The following FARP1 variants were observed in gnomAD, a reference collection of about 807,000 sequenced individuals.
The protein encoded by FARP1 is FERM, ARH/RhoGEF and pleckstrin domain protein 1.
A neutral mutation model predicts 128.8 loss-of-function variants in FARP1; 52 were observed. That is an observed-to-expected ratio of 0.40 (90% confidence interval 0.32 to 0.51). The LOEUF (loss-of-function observed/expected upper bound fraction) is 0.51. Among genes scored for constraint, FARP1 ranks in the 20% least tolerant of loss-of-function variants. The pLI, the probability that FARP1 is intolerant of heterozygous loss-of-function variation, is 0.45. For missense variants in FARP1, 1,333 were observed against 1,367.9 expected (o/e 0.97, Z 0.40); for synonymous variants, 580 against 551.8 (o/e 1.05, Z -0.72).
intron 1 of FARP1, among the ~76,000 whole-genome samples, chr13:98,181,673 G>GC (rs1382875292): frequency 6.8e-6 from 1 of 146,676 alleles, no homozygotes; most frequent in Non-Finnish European, 1.5e-5. Context: ...TCTCACTGTT[G>GC]CCCAGGGGTG....
At chr13:98,382,797 G>C (rs776623138) in intron 6 of FARP1, among the ~76,000 whole-genome samples, 1 of 151,814 alleles carries the variant, frequency 6.6e-6, no homozygotes, top group East Asian at 1.9e-4. Flanking sequence ...CACGCTTTTC[G>C]CATTTTTGTG....
intron 1 of FARP1, chr13:98,177,113 C>T: frequency 6.2e-7 from 1 of 1,601,798 alleles, no homozygotes. Context: ...TCTCCGTGCT[C>T]GGGGTCGCAG....
intron 1 of FARP1, among the ~76,000 whole-genome samples, chr13:98,158,609 T>A (rs1049874651): frequency 3.3e-5 from 5 of 152,130 alleles, no homozygotes; most frequent in African/African-American, 1.2e-4. Flanking sequence ...CCAGGTACCA[T>A]TTGAGAATAG....
intron 2 of FARP1, among the ~76,000 whole-genome samples, chr13:98,219,631 C>T (rs1331111432): frequency 6.6e-6 from 1 of 152,044 alleles, no homozygotes; most frequent in African/African-American, 2.4e-5. Flanking sequence ...CTGCACCCAG[C>T]CACATATTTT....
In FARP1 at chr13:98,395,596, C is replaced by T. The variant is rs1179595972; in HGVS notation, c.1414+120C>T. The T allele has an allele frequency of 1.8e-5, 21 of 1,192,126 alleles. No homozygotes were observed. The Admixed American group carries it at 2.2e-4, about 12-fold the overall frequency. 73.8% of individuals were successfully genotyped at this position (1,192,126 alleles called of 1,614,324 possible). A position where few individuals can be genotyped will look rare whatever the true frequency, so the allele number is the denominator to read the frequency against. On this transcript the variant is annotated intron_variant, in intron 13 of 26. Coordinates refer to ENST00000319562, the MANE Select transcript of FARP1 (RefSeq NM_005766.4). ...AGCGTCCCGATCCCGGTCCCGATCC[C>T]GGTCCCGGTCCCAAACAAATGACAA...
chr13:98,247,471 G>A (rs535364404), intron 2 of FARP1, among the ~76,000 whole-genome samples: 2 of 152,294 alleles, frequency 1.3e-5, no homozygotes, highest in African/African-American at 4.8e-5. Context: ...AGTATGACTG[G>A]CTGGGCTATC....
chr13:98,232,524 C>T (rs1882192240), intron 2 of FARP1, among the ~76,000 whole-genome samples: 1 of 152,154 alleles, frequency 6.6e-6, no homozygotes, highest in Non-Finnish European at 1.5e-5. Context: ...TTTCGCATGT[C>T]TATTGGCCCC....
At chr13:98,226,657 C>T (rs550990088) in intron 2 of FARP1, among the ~76,000 whole-genome samples, 6 of 152,258 alleles carry the variant, frequency 3.9e-5, no homozygotes, top group African/African-American at 1.4e-4. Flanking sequence ...ATAATGTAGT[C>T]TGGGACATTT....
rs59132299 is a variant in FARP1, at chr13:98,268,778, TTGTGTGTGTGTGTGTGTG to T, written c.171+55389_171+55406del. Among the ~76,000 whole-genome samples the T allele has an allele frequency of 1.3e-4, 20 of 148,184 alleles. No homozygotes were observed. The East Asian group carries it at 3.2e-3, about 24-fold the overall frequency. On this transcript the variant is annotated intron_variant, in intron 2 of 26. Coordinates refer to ENST00000319562, the MANE Select transcript of FARP1 (RefSeq NM_005766.4). ...CTACTGCATCTGGCCTTTCCCTTCT[TTGTGTGTGTGTGTGTGTG>T]TGTGTGTGTGTGTGTGTGTGTGTAT...
Position 98,411,218 on chromosome 13 carries a change from G to A in FARP1, c.1692+395G>A, listed in dbSNP as rs545962984. Among the ~76,000 whole-genome samples, 6 of 152,256 alleles carry A rather than the reference G, an allele frequency of 3.9e-5. No homozygotes were observed. In the South Asian group the frequency reaches 6.2e-4, roughly 16 times the overall value. On this transcript the variant is annotated intron_variant, in intron 15 of 26. Transcript: ENST00000319562. ...TTTGATAATAAATTGAGCCTTGTCC[G>A]CAAAATCTGCCAGAAGACCGCCTTT...
rs1304929221 is a variant in FARP1, at chr13:98,452,484, T to G, written c.*4167T>G. On this transcript the variant is annotated 3_prime_UTR_variant, in exon 27 of 27. Coordinates refer to ENST00000319562, the MANE Select transcript of FARP1 (RefSeq NM_005766.4). ...GCAAACGGGGAAAATTTGCATTTGT[T>G]GAGGTACAAATAGGAGTGTTCTGTA... 1.3e-5 allele frequency: 2 copies of G among 152,636 alleles called. No individual in the cohort carries two copies. Among genetic ancestry groups the G allele is most frequent in the Admixed American group, 6.5e-5 (1 of 15,288 alleles). The allele number at this position is 152,636 out of a possible 1,614,324, so 9.5% of individuals were successfully genotyped here.
intron 2 of FARP1, among the ~76,000 whole-genome samples, chr13:98,325,136 G>A (rs1441377219): frequency 6.6e-6 from 1 of 152,160 alleles, no homozygotes; most frequent in Non-Finnish European, 1.5e-5. Context: ...GAAGACTTGT[G>A]GAAATAAACC....
rs1399623240 is a variant in FARP1 at position 98,446,656 on chromosome 13, C to T, written c.2905-10C>T. On this transcript the variant is annotated splice_polypyrimidine_tract_variant and intron_variant, in intron 25 of 26. Coordinates refer to ENST00000319562, the MANE Select transcript of FARP1 (RefSeq NM_005766.4). ...CCGAAAAGCCACTTTGCTTTGTTTC[C>T]CCTTTCCAGGACAATCATCCCCTTG... The T allele has an allele frequency of 1.2e-6, 2 of 1,613,740 alleles. No individual in the cohort carries two copies. Among genetic ancestry groups the T allele is most frequent in the South Asian group, 2.2e-5 (2 of 91,050 alleles).
chr13:98,283,069 T>G (rs937833527), intron 2 of FARP1, among the ~76,000 whole-genome samples: 2 of 152,246 alleles, frequency 1.3e-5, no homozygotes, highest in Middle Eastern at 3.2e-3. Context: ...ATTATGCATT[T>G]CTCTGTATAA....
At chr13:98,256,217 T>G (rs1183122550) in intron 2 of FARP1, among the ~76,000 whole-genome samples, 1 of 152,182 alleles carries the variant, frequency 6.6e-6, no homozygotes, top group Non-Finnish European at 1.5e-5. Context: ...TGATAAACAT[T>G]TGTTAGGAAT....
At chr13:98,392,502 A>C (rs1401347776) in intron 11 of FARP1, among the ~76,000 whole-genome samples, 2 of 146,584 alleles carry the variant, frequency 1.4e-5, no homozygotes, top group South Asian at 2.1e-4. Flanking sequence ...TCCTGTCCCA[A>C]AAAAAAAAAA....
At chr13:98,193,215 G>A (rs1318967338) in intron 1 of FARP1, among the ~76,000 whole-genome samples, 1 of 151,996 alleles carries the variant, frequency 6.6e-6, no homozygotes, top group Non-Finnish European at 1.5e-5. Flanking sequence ...GCACCACCAC[G>A]CCTGGCTAAT....
At chr13:98,282,630 CG>C (rs1358008961) in intron 2 of FARP1, among the ~76,000 whole-genome samples, 1 of 152,184 alleles carries the variant, frequency 6.6e-6, no homozygotes, top group Non-Finnish European at 1.5e-5. Flanking sequence ...CTGGGCCAGG[CG>C]CCGTGGCTCA....
At position 98,385,706 on chromosome 13, in the gene FARP1, G is replaced by A; in HGVS notation, c.651G>A (p.Glu217=). The A allele has an allele frequency of 6.2e-7, 1 of 1,614,234 alleles. No homozygotes were observed. Among genetic ancestry groups the A allele is most frequent in the Non-Finnish European group, 8.5e-7 (1 of 1,180,044 alleles). ...TPAESDFQLL[E]IARRLEMYGI... Reference sequence around the variant, plus strand: ...CAGAATCAGATTTCCAGCTCCTAGAGATTGCCCGTCGGCTAGAGATGTATG... The same window carrying A: ...CAGAATCAGATTTCCAGCTCCTAGAAATTGCCCGTCGGCTAGAGATGTATG... Residue 217 remains glutamate, a synonymous_variant, in exon 8 of 27, where the codon GAG becomes GAA. Coordinates refer to ENST00000319562, the MANE Select transcript of FARP1 (RefSeq NM_005766.4).
Sources: allele counts gnomAD v4.1 joint callset (sites outside exome capture counted in the v4.1 genomes callset), GRCh38; gene constraint gnomAD v4.1.1; transcripts MANE v1.5; gene names NCBI Gene and HGNC (gene_info 2026-07-23, HGNC 2026-07-21).